The following PTPN12 variants were observed in gnomAD, a reference collection of about 807,000 sequenced individuals.
PTPN12 encodes the protein tyrosine-protein phosphatase non-receptor type 12.
Under a neutral mutation model 97.6 loss-of-function variants are expected in PTPN12, and 29 were observed. The observed-to-expected ratio is 0.30, with a 90% confidence interval of 0.22 to 0.41. The LOEUF (loss-of-function observed/expected upper bound fraction) is 0.41. PTPN12 is among the 10% of genes least tolerant of loss of function. PTPN12 has a pLI of 1.00. For synonymous variants in PTPN12, 327 were observed against 300.4 expected (o/e 1.09, Z -0.91); for missense variants, 819 against 926.0 (o/e 0.88, Z 1.50).
intron 1 of PTPN12, among the ~76,000 whole-genome samples, chr7:77,541,782 C>T (rs995989545): frequency 2.0e-5 from 3 of 152,104 alleles, no homozygotes; most frequent in Non-Finnish European, 2.9e-5. Context: ...GGTTGTGCCC[C>T]ATACTGTTAA....
chr7:77,582,795 A>T (rs1406713974), intron 3 of PTPN12, among the ~76,000 whole-genome samples: 2 of 152,044 alleles, frequency 1.3e-5, no homozygotes, highest in Non-Finnish European at 2.9e-5. Flanking sequence ...AAAAAAAAAA[A>T]AAAAGTTTAT....
At chr7:77,580,506 G>GA (rs1329520606) in intron 2 of PTPN12, among the ~76,000 whole-genome samples, 2 of 152,146 alleles carry the variant, frequency 1.3e-5, no homozygotes, top group Non-Finnish European at 2.9e-5. Context: ...CTTGGAATGG[G>GA]AAAAGTAACT....
rs1487194309 is a variant in PTPN12, at chr7:77,592,236, G to T, written c.472G>T (p.Ala158Ser). The T allele has an allele frequency of 6.2e-7, 1 of 1,607,856 alleles. No homozygotes were observed. Among genetic ancestry groups the T allele is most frequent in the Non-Finnish European group, 8.5e-7 (1 of 1,178,368 alleles). The change falls in exon 6 of 18, where the codon GCA becomes TCA. Residue 158 changes from alanine (A) to serine (S), a missense_variant. Coordinates refer to ENST00000248594, the MANE Select transcript of PTPN12 (RefSeq NM_002835.4). ...GTATGGAGAAGACCCCATAACGTTT[G>T]CACCATTTAAAATTTCTTGTGTAAG... Reference protein sequence around the residue: ...PLYGEDPITFAPFKISCEDEQ... With the variant: ...PLYGEDPITFSPFKISCEDEQ...
chr7:77,548,254 A>G (rs1807314691), intron 1 of PTPN12, among the ~76,000 whole-genome samples: 1 of 152,194 alleles, frequency 6.6e-6, no homozygotes, highest in Non-Finnish European at 1.5e-5. Flanking sequence ...CAGCTTATTT[A>G]TAATGGTGGG....
At chr7:77,578,018 A>C (rs1787393185) in intron 2 of PTPN12, among the ~76,000 whole-genome samples, 1 of 152,060 alleles carries the variant, frequency 6.6e-6, no homozygotes. Flanking sequence ...ATCTTAGAAA[A>C]TTTTTTAAAA....
At chr7:77,568,420 AG>A (rs1352942016) in intron 1 of PTPN12, among the ~76,000 whole-genome samples, 2 of 152,330 alleles carry the variant, frequency 1.3e-5, no homozygotes, top group African/African-American at 4.8e-5. Flanking sequence ...GGATTGCTGG[AG>A]CCCAGGAGTT....
At chr7:77,593,635 G>C (rs943381727) in intron 6 of PTPN12, among the ~76,000 whole-genome samples, 1 of 152,246 alleles carries the variant, frequency 6.6e-6, no homozygotes, top group Non-Finnish European at 1.5e-5. Flanking sequence ...TCCTTTTGTT[G>C]TATTCAGGCC....
rs978882834 is a variant in PTPN12 at position 77,639,292 on chromosome 7, A to G, written c.*12A>G. 1 of 1,606,246 alleles carries G rather than the reference A, an allele frequency of 6.2e-7. No homozygotes were observed. ...CAGAATGGACATGATTCAGGGAGCT[A>G]GAAGACACTTTAAGTTATACTGGAA... On this transcript the variant is annotated 3_prime_UTR_variant, in exon 18 of 18. Transcript: ENST00000248594.
intron 5 of PTPN12, among the ~76,000 whole-genome samples, chr7:77,591,729 TTC>T (rs1333266505): frequency 6.6e-6 from 1 of 152,230 alleles, no homozygotes; most frequent in Non-Finnish European, 1.5e-5. Flanking sequence ...TGCAAAATTC[TTC>T]TGATTCCAAG....
intron 2 of PTPN12, among the ~76,000 whole-genome samples, chr7:77,574,055 A>G (rs958898299): frequency 5.9e-5 from 9 of 152,322 alleles, no homozygotes; most frequent in Non-Finnish European, 7.3e-5. Flanking sequence ...GGTGTACTGT[A>G]TGCTGGGAAT....
rs759806210 is a variant in PTPN12, at chr7:77,627,192, A to G, written c.1513A>G (p.Lys505Glu). The part of the protein sequence containing the change: ...CVDCSVTQSN[K>E]VSVTPPEESQ... ...GGACTGCAGTGTAACACAATCAAAC[A>G]AAGTTTCAGTTACTCCACCAGAAGA... is the stretch of plus-strand genomic sequence containing the variant. Residue 505 changes from lysine to glutamate, a missense_variant, in exon 13 of 18, where the codon AAA becomes GAA. Lys to Glu is a moderately conservative substitution (Grantham distance 56). Transcript: ENST00000248594. 1.2e-5 allele frequency: 19 copies of G among 1,614,182 alleles called. No individual in the cohort carries two copies. The highest frequency in any genetic ancestry group is 1.4e-5 in the Non-Finnish European group (17 of 1,180,032).
At chr7:77,552,779 A>G (rs1272440510) in intron 1 of PTPN12, among the ~76,000 whole-genome samples, 2 of 152,238 alleles carry the variant, frequency 1.3e-5, no homozygotes, top group African/African-American at 4.8e-5. Flanking sequence ...CAACAGTTAT[A>G]TAGGTATTAG....
Position 77,635,835 on chromosome 7 carries a change from CA to C in PTPN12, c.2135del (p.Lys712SerfsTer5). On this transcript the variant is annotated frameshift_variant, in exon 15 of 18. Coordinates refer to ENST00000248594, the MANE Select transcript of PTPN12 (RefSeq NM_002835.4). LOFTEE classifies it high-confidence loss of function. ...SELQSQERSE[Q>X]KKSEGLITSE... Reference sequence around the variant, plus strand: ...ACTTCAAAGTCAGGAACGATCTGAACAAAAAAAGTCTGAAGTAAGTCCTTTT... The same window carrying C: ...ACTTCAAAGTCAGGAACGATCTGAACAAAAAAGTCTGAAGTAAGTCCTTTT... The C allele has an allele frequency of 1.9e-6, 3 of 1,601,106 alleles. No individual in the cohort carries two copies. Among genetic ancestry groups the C allele is most frequent in the African/African-American group, 1.3e-5 (1 of 74,358 alleles).
At chr7:77,556,599 C>T (rs538857670) in intron 1 of PTPN12, among the ~76,000 whole-genome samples, 148 of 152,160 alleles carry the variant, frequency 9.7e-4, no homozygotes, top group Non-Finnish European at 1.7e-3. Context: ...CCTGTAATCC[C>T]AGCACTTTGG....
chr7:77,547,984 A>T (rs1209547993), intron 1 of PTPN12, among the ~76,000 whole-genome samples: 1 of 152,178 alleles, frequency 6.6e-6, no homozygotes, highest in East Asian at 1.9e-4. Context: ...GAGTGTTTTG[A>T]TGAGGAGTGT....
chr7:77,601,566 T>C (rs1040089696), intron 8 of PTPN12, among the ~76,000 whole-genome samples: 1 of 152,062 alleles, frequency 6.6e-6, no homozygotes, highest in Non-Finnish European at 1.5e-5. Flanking sequence ...ATCTAAGATA[T>C]CATCAATTCT....
chr7:77,551,083 T>TG (rs1418360593), intron 1 of PTPN12, among the ~76,000 whole-genome samples: 3 of 152,156 alleles, frequency 2.0e-5, no homozygotes, highest in Admixed American at 1.3e-4. Flanking sequence ...GTTTTTGAGA[T>TG]GGAGTCTCGC....
chr7:77,607,356 C>G, intron 9 of PTPN12, 55 bp downstream of exon 9: 1 of 1,277,778 alleles, frequency 7.8e-7, no homozygotes, highest in Non-Finnish European at 1.1e-6. Context: ...GATTTTCAAA[C>G]TTAATTATAA....
At chr7:77,633,484 C>T (rs1441970470) in intron 14 of PTPN12, among the ~76,000 whole-genome samples, 3 of 151,868 alleles carry the variant, frequency 2.0e-5, no homozygotes, top group African/African-American at 7.3e-5. Flanking sequence ...TGGCATGCAC[C>T]AGTAGTCCCA....
Sources: allele counts gnomAD v4.1 joint callset (sites outside exome capture counted in the v4.1 genomes callset), GRCh38; gene constraint gnomAD v4.1.1; transcripts MANE v1.5; gene names NCBI Gene and HGNC (gene_info 2026-07-23, HGNC 2026-07-21).